The following ABCA7 variants were observed in gnomAD, a reference collection of about 807,000 sequenced individuals.
ABCA7 encodes the protein ATP binding cassette subfamily A member 7, also known as phospholipid-transporting ATPase ABCA7.
Under a neutral mutation model 227.6 loss-of-function variants are expected in ABCA7, and 261 were observed. The ratio of observed to expected loss-of-function variants is 1.15; its 90% CI spans 1.04 to 1.27. ABCA7 has a LOEUF of 1.27. ABCA7 is among the 50% of genes most tolerant of loss of function. The pLI is 0.00. For synonymous variants in ABCA7, 1,488 were observed against 1,279.7 expected, an observed-to-expected ratio of 1.16 and a Z score of -3.47; for missense variants, 3,331 against 2,924.5, an observed-to-expected ratio of 1.14 and a Z score of -3.21.
At position 1,052,101 on chromosome 19, in the gene ABCA7, G is replaced by T; in HGVS notation, c.3122G>T (p.Arg1041Leu). 1.9e-6 allele frequency: 3 copies of T among 1,612,184 alleles called. No individual in the cohort carries two copies. The highest frequency in any genetic ancestry group is 2.2e-5 in the South Asian group (2 of 91,030). Residue 1041 changes from arginine (R) to leucine (L), a missense_variant, in exon 22 of 47, where the codon CGC becomes CTC. Physicochemically the swap from Arg to Leu is moderately radical, Grantham distance 102. Coordinates refer to ENST00000263094, the MANE Select transcript of ABCA7 (RefSeq NM_019112.4). ...SGYYLTLVKA[R>L]LPLTTNEKAD... is the part of the protein sequence containing the mutation. ...TACTACCTGACGCTGGTGAAGGCCC[G>T]CCTGCCCCTGACCACCAATGAGAAG...
intron 40 of ABCA7, among the ~76,000 whole-genome samples, chr19:1,061,225 C>T (rs543579030): frequency 2.0e-4 from 30 of 151,700 alleles, no homozygotes; most frequent in Middle Eastern, 3.4e-3. Context: ...GCCAAAACCC[C>T]GTCTCTACTA....
rs909561239 is a variant in ABCA7, at chr19:1,051,174, G to T, written c.2704G>T (p.Val902Phe). The T allele has an allele frequency of 5.0e-6, 8 of 1,611,244 alleles. No individual in the cohort carries two copies. Among genetic ancestry groups the T allele is most frequent in the Non-Finnish European group, 6.8e-6 (8 of 1,179,912 alleles). ...CCGCAGGCTGACCGTGGACGAGCAC[G>T]TCTGGTTCTATGGGCGGCTGAAGGG... is the stretch of plus-strand genomic sequence containing the variant. ...LFDMLTVDEH[V>F]WFYGRLKGLS... Residue 902 changes from valine (V) to phenylalanine (F), a missense_variant, in exon 20 of 47, where the codon GTC (valine) becomes TTC (phenylalanine). Coordinates refer to ENST00000263094, the MANE Select transcript of ABCA7 (RefSeq NM_019112.4).
Position 1,044,964 on chromosome 19 carries a change from GGA to G in ABCA7, c.1216-37_1216-36del, listed in dbSNP as rs1292915821. ...GAGCGGAGTGGTCTAGGAGGCAGGC[GGA>G]CCCCAGCGCCTAGGACTCACCCCCG... On this transcript the variant is annotated intron_variant, in intron 11 of 46. Transcript: ENST00000263094. 5.6e-6 allele frequency: 9 copies of G among 1,602,798 alleles called. No individual in the cohort carries two copies. In the African/African-American group the frequency reaches 9.4e-5, roughly 17 times the overall value.
rs2042989238 is a variant in ABCA7 at position 1,065,509 on chromosome 19, GGC to G, written c.*85_*86del. ...TGCCTAGGAGCCCTGGACTCAGGCT[GGC>G]AGAGGGGCTGGTGCCCTGGAGAAAA... On this transcript the variant is annotated 3_prime_UTR_variant, in exon 47 of 47. Coordinates refer to ENST00000263094, the MANE Select transcript of ABCA7 (RefSeq NM_019112.4). 6.7e-6 allele frequency: 10 copies of G among 1,484,236 alleles called. No individual in the cohort carries two copies. The highest frequency in any genetic ancestry group is 2.0e-5 in the Admixed American group (1 of 50,968). The allele number at this position is 1,484,236 out of a possible 1,614,324, so 91.9% of individuals were successfully genotyped here.
At chr19:1,062,485 G>C (rs2042725987) in intron 42 of ABCA7, among the ~76,000 whole-genome samples, 172 bp downstream of exon 42, 2 of 152,086 alleles carry the variant, frequency 1.3e-5, no homozygotes, top group South Asian at 4.1e-4. Context: ...GGTCCAATAG[G>C]GATGTGGCTA....
At chr19:1,041,702 C>T in intron 3 of ABCA7, 99 bp downstream of exon 3, 1 of 1,575,708 alleles carries the variant, frequency 6.3e-7, no homozygotes, top group Non-Finnish European at 8.6e-7. Flanking sequence ...GAGCCTTCAC[C>T]AGGCCGCCAA....
chr19:1,060,011 C>G (rs1385073639), intron 40 of ABCA7, among the ~76,000 whole-genome samples: 1 of 152,076 alleles, frequency 6.6e-6, no homozygotes. Flanking sequence ...TATTGGACCC[C>G]TATTGTATAC....
Position 1,064,078 on chromosome 19 carries a change from C to T in ABCA7, c.5952-83C>T, listed in dbSNP as rs1185492180. On this transcript the variant is annotated intron_variant, in intron 44 of 46. Coordinates refer to ENST00000263094, the MANE Select transcript of ABCA7 (RefSeq NM_019112.4). ...GGAGATGTCCACACCAGAAGGGTGG[C>T]CCAGGCCGGGGGAAGCAGGCAGTGT... 45 of 1,432,564 alleles carry T rather than the reference C, an allele frequency of 3.1e-5. 1 individual carries two copies. Among genetic ancestry groups the T allele is most frequent in the Middle Eastern group, 2.4e-4 (1 of 4,148 alleles). 88.7% of individuals were successfully genotyped at this position (1,432,564 alleles called of 1,614,324 possible).
chr19:1,060,207 A>ATATT lies in ABCA7; in HGVS notation c.5463+1123_5463+1124insATTT. 3.6e-4 allele frequency among the ~76,000 whole-genome samples: 35 copies of ATATT among 96,852 alleles called. 1 individual carries two copies. Among genetic ancestry groups the ATATT allele is most frequent in the South Asian group, 1.4e-3 (4 of 2,826 alleles). 63.5% of individuals were successfully genotyped at this position (96,852 alleles called of 152,430 possible). ...AGCACACATTGCAGTATATATATAT[A>ATATT]TTTTTTTTTCTTTTTTTTTCTTTTG... On this transcript the variant is annotated intron_variant, in intron 40 of 46. Transcript: ENST00000263094.
intron 17 of ABCA7, 76 bp downstream of exon 17, chr19:1,049,081 C>A (rs2041091180): frequency 3.1e-6 from 3 of 962,750 alleles, no homozygotes; most frequent in Non-Finnish European, 3.1e-6. Flanking sequence ...TCCACAGATG[C>A]CAATGACAAT....
intron 40 of ABCA7, among the ~76,000 whole-genome samples, chr19:1,060,195 G>A (rs1452918866): frequency 3.7e-5 from 2 of 53,468 alleles, no homozygotes; most frequent in Non-Finnish European, 8.3e-5. Context: ...ACACATTGCA[G>A]TATATATATA....
At chr19:1,045,351 A>T in intron 12 of ABCA7, 120 bp downstream of exon 12, 1 of 1,048,048 alleles carries the variant, frequency 9.5e-7, no homozygotes, top group Non-Finnish European at 1.4e-6. Flanking sequence ...GGCTGTATCA[A>T]CAGTGGTATG....
Position 1,057,094 on chromosome 19 carries a change from C to G in ABCA7, c.4764+10C>G. The G allele has an allele frequency of 6.2e-7, 1 of 1,607,534 alleles. No homozygotes were observed. Among genetic ancestry groups the G allele is most frequent in the Non-Finnish European group, 8.5e-7 (1 of 1,176,894 alleles). ...CTTTCTCTGGGACATGGTGCGGGGG[C>G]TGCTTGGACGGGTGGGGGCCCAGCC... On this transcript the variant is annotated intron_variant, in intron 34 of 46. Transcript: ENST00000263094.
chr19:1,045,421 G>T, intron 12 of ABCA7, 190 bp downstream of exon 12: 1 of 627,358 alleles, frequency 1.6e-6, no homozygotes, highest in Non-Finnish European at 2.8e-6. Context: ...GGGCCTAGGT[G>T]CATGAGGGGC....
At position 1,051,153 on chromosome 19, in the gene ABCA7, A is replaced by C; in HGVS notation, c.2685-2A>C. ...TCACTCTGCTCTGTGCACTGGCCGC[A>C]GGCTGACCGTGGACGAGCACGTCTG... On this transcript the variant is annotated splice_acceptor_variant, in intron 19 of 46. Coordinates refer to ENST00000263094, the MANE Select transcript of ABCA7 (RefSeq NM_019112.4). LOFTEE classifies it high-confidence loss of function. The C allele has an allele frequency of 6.2e-7, 1 of 1,611,328 alleles. No homozygotes were observed. Among genetic ancestry groups the C allele is most frequent in the East Asian group, 2.2e-5 (1 of 44,888 alleles).
rs145480594 is a variant in ABCA7, at chr19:1,058,872, C to G, written c.5332C>G (p.Arg1778Gly). 2 of 1,578,590 alleles carry G rather than the reference C, an allele frequency of 1.3e-6. No homozygotes were observed. The highest frequency in any genetic ancestry group is 1.7e-6 in the Non-Finnish European group (2 of 1,158,846). Reference sequence around the variant, plus strand: ...GGGAGAGGAGGACGAGGATGTAGCCCGTGAACGGGAGCGGGTGGTCCAAGG... The same window carrying G: ...GGGAGAGGAGGACGAGGATGTAGCCGGTGAACGGGAGCGGGTGGTCCAAGG... ...LLGEEDEDVA[R>G]ERERVVQGAT... Residue 1778 changes from arginine (R) to glycine (G), a missense_variant, in exon 39 of 47, where the codon CGT becomes GGT. Coordinates refer to ENST00000263094, the MANE Select transcript of ABCA7 (RefSeq NM_019112.4).
At chr19:1,048,069 G>A (rs2040897464) in intron 16 of ABCA7, among the ~76,000 whole-genome samples, 1 of 151,896 alleles carries the variant, frequency 6.6e-6, no homozygotes, top group African/African-American at 2.4e-5. Context: ...GTGGTGGCAC[G>A]CTCCTGTAGT....
In ABCA7 at chr19:1,041,963, A is replaced by C; in HGVS notation, c.293A>C (p.Asn98Thr). ...GAGCCCGGGCGCCTGAGCAACTTCA[A>C]CGACTCCCTGTGAGCCAGAGGCAGT... The part of the protein sequence containing the change: ...GEEPGRLSNF[N>T]DSLVSRLLAD... Residue 98 changes from asparagine (N) to threonine (T), a missense_variant, in exon 4 of 47, where the codon AAC becomes ACC. Transcript: ENST00000263094. 1 of 1,585,770 alleles carries C rather than the reference A, an allele frequency of 6.3e-7. No homozygotes were observed. Among genetic ancestry groups the C allele is most frequent in the Non-Finnish European group, 8.5e-7 (1 of 1,171,702 alleles).
At position 1,043,792 on chromosome 19, in the gene ABCA7, C is replaced by T. The variant is rs1169399557; in HGVS notation, c.998C>T (p.Pro333Leu). The part of the protein sequence containing the change: ...DVREVWEMLG[P>L]RIFTFMNDSS... ...CGGGAGGTGTGGGAGATGCTGGGAC[C>T]CCGGATCTTCACCTTCATGAACGAC... The change falls in exon 10 of 47, where the codon CCC becomes CTC. Residue 333 changes from proline (P) to leucine (L), a missense_variant. By Grantham distance (98) the Pro-to-Leu change is moderately conservative. Coordinates refer to ENST00000263094, the MANE Select transcript of ABCA7 (RefSeq NM_019112.4). 1.2e-6 allele frequency: 2 copies of T among 1,613,066 alleles called. No individual in the cohort carries two copies. Among genetic ancestry groups the T allele is most frequent in the African/African-American group, 1.3e-5 (1 of 74,810 alleles).
Sources: allele counts gnomAD v4.1 joint callset (sites outside exome capture counted in the v4.1 genomes callset), GRCh38; gene constraint gnomAD v4.1.1; transcripts MANE v1.5; gene names NCBI Gene and HGNC (gene_info 2026-07-23, HGNC 2026-07-21).